SDK1: variants seen among roughly 807,000 people sequenced by gnomAD.
SDK1 encodes the protein protein sidekick-1.
A neutral mutation model predicts 245.5 loss-of-function variants in SDK1; 157 were observed. That is an observed-to-expected ratio of 0.64 (90% CI 0.56 to 0.73). SDK1 has a LOEUF of 0.73. Ranked by LOEUF, SDK1 falls within the 30% of genes least tolerant of loss-of-function variation. The pLI is 0.00. For missense variants in SDK1, 3,583 were observed against 3,002.3 expected (o/e 1.19, Z -4.52); for synonymous variants, 1,647 against 1,278.5 (o/e 1.29, Z -6.15).
intron 22 of SDK1, among the ~76,000 whole-genome samples, chr7:4,082,828 C>G (rs1167219369): frequency 6.6e-6 from 1 of 151,952 alleles, no homozygotes; most frequent in East Asian, 2.0e-4. Context: ...GCTGTGTTGC[C>G]CAGGCTGGTC....
At chr7:3,668,330 G>A (rs570663211) in intron 4 of SDK1, among the ~76,000 whole-genome samples, 6 of 152,322 alleles carry the variant, frequency 3.9e-5, no homozygotes, top group Admixed American at 2.0e-4. Flanking sequence ...GCAAAAGTTG[G>A]TATTGACTGT....
rs1270753781 is a variant in SDK1 at position 3,414,826 on chromosome 7, T to A, written c.298+112942T>A. Among the ~76,000 whole-genome samples the A allele has an allele frequency of 3.3e-5, 5 of 152,178 alleles. No individual in the cohort carries two copies. The East Asian group carries it at 9.6e-4, about 29-fold the overall frequency. On this transcript the variant is annotated intron_variant, in intron 1 of 44. Transcript: ENST00000404826. Reference sequence around the variant, plus strand: ...TTTTTACAAATGGAGTCATATAATGTGTGTTTTTTTTGGTGTGATTCTCTT... The same window carrying A: ...TTTTTACAAATGGAGTCATATAATGAGTGTTTTTTTTGGTGTGATTCTCTT...
At chr7:4,254,630 C>CT (rs745611023) in intron 44 of SDK1, among the ~76,000 whole-genome samples, 2,049 of 132,634 alleles carry the variant, frequency 0.015, 43 homozygotes, top group African/African-American at 0.047. Flanking sequence ...AAGCTACCTT[C>CT]TTTTTTTTTT....
rs1350008897 is a variant in SDK1 at position 3,745,318 on chromosome 7, C to G, written c.714-76132C>G. Among the ~76,000 whole-genome samples, 3 of 152,056 alleles carry G rather than the reference C, an allele frequency of 2.0e-5. 1 individual carries two copies. The highest frequency in any genetic ancestry group is 3.9e-4 in the East Asian group (2 of 5,194). On this transcript the variant is annotated intron_variant, in intron 4 of 44. Transcript: ENST00000404826. ...AAATGTCTAGGCTAAAATGAAGATA[C>G]CTGCTTTTGCCACTACTATTTTGAA...
intron 38 of SDK1, among the ~76,000 whole-genome samples, chr7:4,213,076 C>G (rs1168744059): frequency 6.6e-6 from 1 of 152,088 alleles, no homozygotes; most frequent in African/African-American, 2.4e-5. Context: ...GTCAAGAGAT[C>G]GAGACCATCC....
At chr7:4,264,207 G>A (rs1295732529) in intron 44 of SDK1, among the ~76,000 whole-genome samples, 26 of 16,786 alleles carry the variant, frequency 1.5e-3, no homozygotes, top group African/African-American at 3.8e-3. Flanking sequence ...TCTCCTGAGT[G>A]GGGGAGGCCG....
At chr7:3,645,473 A>G (rs967585663) in intron 4 of SDK1, among the ~76,000 whole-genome samples, 1 of 152,184 alleles carries the variant, frequency 6.6e-6, no homozygotes, top group African/African-American at 2.4e-5. Flanking sequence ...TTTCTCCACA[A>G]ATTTATACAT....
At position 4,268,452 on chromosome 7, in the gene SDK1, A is replaced by C. The variant is rs935310068; in HGVS notation, c.*3068A>C. ...TCAGCCTCTCTCCCAGCCTGCTTTT[A>C]TAAGGCGCACTTCACTCAATGCTGT... is the stretch of plus-strand genomic sequence containing the variant. On this transcript the variant is annotated 3_prime_UTR_variant, in exon 45 of 45. Coordinates refer to ENST00000404826, the MANE Select transcript of SDK1 (RefSeq NM_152744.4). 46 of 1,130,614 alleles carry C rather than the reference A, an allele frequency of 4.1e-5. No homozygotes were observed. The highest frequency in any genetic ancestry group is 4.0e-5 in the Non-Finnish European group (36 of 909,272). 70.0% of individuals were successfully genotyped at this position (1,130,614 alleles called of 1,614,324 possible).
chr7:3,779,595 A>G (rs1461686833), intron 4 of SDK1, among the ~76,000 whole-genome samples: 2 of 152,208 alleles, frequency 1.3e-5, no homozygotes, highest in African/African-American at 2.4e-5. Flanking sequence ...ACTATTTAAA[A>G]TAAGAATCTG....
At chr7:3,738,148 CTT>C (rs1393554073) in intron 4 of SDK1, among the ~76,000 whole-genome samples, 1 of 152,196 alleles carries the variant, frequency 6.6e-6, no homozygotes, top group Non-Finnish European at 1.5e-5. Context: ...AATCTTCTCT[CTT>C]ATGTTTTATT....
rs144417299 is a variant in SDK1 at position 3,834,291 on chromosome 7, A to G, written c.847+12708A>G. On this transcript the variant is annotated intron_variant, in intron 5 of 44. Transcript: ENST00000404826. ...TTATCAGGCATTACGCTTGATGCCG[A>G]GGACACTTGGTGAATATGACATGTG... Among the ~76,000 whole-genome samples, 433 of 152,348 alleles carry G rather than the reference A, an allele frequency of 2.8e-3. 3 individuals carry two copies. The highest frequency in any genetic ancestry group is 6.8e-3 in the Middle Eastern group (2 of 294).
At chr7:3,430,655 G>A (rs377094906) in intron 1 of SDK1, among the ~76,000 whole-genome samples, 1 of 152,284 alleles carries the variant, frequency 6.6e-6, no homozygotes, top group South Asian at 2.1e-4. Flanking sequence ...CCTGATTCCA[G>A]AATCCCAAAA....
In SDK1 at chr7:4,077,092, C is replaced by G. The variant is rs1012325818; in HGVS notation, c.3105C>G (p.Leu1035=). The G allele has an allele frequency of 6.2e-7, 1 of 1,614,240 alleles. No individual in the cohort carries two copies. Among genetic ancestry groups the G allele is most frequent in the Non-Finnish European group, 8.5e-7 (1 of 1,180,044 alleles). ...CGCACGAGTACAAGATCCAAGGCCTCTCATCTCTCACCACCTACACCATCG... is the reference window on the plus strand; with the variant it reads ...CGCACGAGTACAAGATCCAAGGCCTGTCATCTCTCACCACCTACACCATCG... ...STTHEYKIQG[L]SSLTTYTIDV... is the part of the protein sequence containing the mutation. The change falls in exon 21 of 45, where the codon CTC becomes CTG. Residue 1035 remains leucine, a synonymous_variant. Coordinates refer to ENST00000404826, the MANE Select transcript of SDK1 (RefSeq NM_152744.4).
intron 4 of SDK1, among the ~76,000 whole-genome samples, chr7:3,668,969 C>G (rs896383035): frequency 6.6e-5 from 10 of 152,138 alleles, no homozygotes; most frequent in Admixed American, 2.6e-4. Flanking sequence ...CAGAGCATGT[C>G]TGGTAAGGAA....
intron 5 of SDK1, among the ~76,000 whole-genome samples, chr7:3,890,581 T>C (rs1333215647): frequency 6.6e-6 from 1 of 152,038 alleles, no homozygotes; most frequent in East Asian, 1.9e-4. Flanking sequence ...CACTTGAGTC[T>C]CTATGGGTAA....
chr7:3,696,260 C>T (rs1296408311), intron 4 of SDK1, among the ~76,000 whole-genome samples: 1 of 152,100 alleles, frequency 6.6e-6, no homozygotes, highest in Non-Finnish European at 1.5e-5. Flanking sequence ...ATCCATGCTC[C>T]ACTGTGTGAT....
At chr7:3,966,748 C>T (rs1439583509) in intron 9 of SDK1, among the ~76,000 whole-genome samples, 1 of 151,998 alleles carries the variant, frequency 6.6e-6, no homozygotes, top group Non-Finnish European at 1.5e-5. Flanking sequence ...TACAGTGGCA[C>T]GATCATCACT....
At chr7:3,439,566 C>T (rs1342288055) in intron 1 of SDK1, among the ~76,000 whole-genome samples, 5 of 152,168 alleles carry the variant, frequency 3.3e-5, no homozygotes, top group Non-Finnish European at 7.3e-5. Flanking sequence ...AAGGGAATGC[C>T]TCTGTGAGTC....
At chr7:3,778,889 G>C (rs765319534) in intron 4 of SDK1, among the ~76,000 whole-genome samples, 1 of 152,164 alleles carries the variant, frequency 6.6e-6, no homozygotes, top group East Asian at 1.9e-4. Context: ...AGACTAGCTG[G>C]CAGCACTATA....
Sources: gnomAD v4.1 joint callset for allele counts (sites outside exome capture counted in the v4.1 genomes callset) on GRCh38, gnomAD v4.1.1 for gene constraint, MANE v1.5 for transcripts, NCBI Gene and HGNC (gene_info 2026-07-23, HGNC 2026-07-21) for gene names.